PTPRD: variants seen among roughly 807,000 people sequenced by gnomAD.
PTPRD encodes the protein receptor-type tyrosine-protein phosphatase delta.
PTPRD carries 34 observed loss-of-function variants against 214.5 expected under a neutral mutation model. The ratio of observed to expected loss-of-function variants is 0.16; its 90% CI spans 0.12 to 0.21. The LOEUF (loss-of-function observed/expected upper bound fraction) is 0.21. Among genes scored for constraint, PTPRD ranks in the 10% least tolerant of loss-of-function variants. The probability of loss-of-function intolerance (pLI) is 1.00; values close to 1 mark genes in which losing one functional copy is unlikely to be tolerated. For synonymous variants in PTPRD, 1,128 were observed against 845.7 expected, an observed-to-expected ratio of 1.33 and a Z score of -5.79; for missense variants, 2,545 against 2,398.7, an observed-to-expected ratio of 1.06 and a Z score of -1.27.
intron 11 of PTPRD, among the ~76,000 whole-genome samples, chr9:9,007,783 C>T: frequency 1.6e-5 from 2 of 127,678 alleles, no homozygotes; most frequent in Non-Finnish European, 3.4e-5. Flanking sequence ...TTAAGCATAT[C>T]TTTCAGTTGT....
intron 8 of PTPRD, among the ~76,000 whole-genome samples, chr9:9,548,811 G>A (rs937305353): frequency 1.6e-4 from 25 of 152,012 alleles, no homozygotes; most frequent in Non-Finnish European, 1.5e-4. Context: ...TCGGCAAGTA[G>A]ACATAGCAAT....
At chr9:9,434,727 T>A (rs1214082199) in intron 8 of PTPRD, among the ~76,000 whole-genome samples, 2 of 151,802 alleles carry the variant, frequency 1.3e-5, no homozygotes, top group Non-Finnish European at 2.9e-5. Context: ...ATACAACAAA[T>A]CGTACCCCAT....
At chr9:9,798,080 G>A (rs2099015256) in intron 5 of PTPRD, among the ~76,000 whole-genome samples, 4 of 152,024 alleles carry the variant, frequency 2.6e-5, no homozygotes, top group Admixed American at 2.0e-4. Context: ...GGACAAGGAA[G>A]GGAAATAAAA....
In PTPRD at chr9:9,807,380, G is replaced by C. The variant is rs150470873; in HGVS notation, c.-367-40529C>G. Among the ~76,000 whole-genome samples the C allele has an allele frequency of 3.8e-4, 58 of 152,224 alleles. No homozygotes were observed. In the East Asian group the frequency reaches 8.1e-3, roughly 21 times the overall value. ...TGTGAAGATAAGTATTGAAAATCCT[G>C]ATTTCACGAAACAGGTGGGCATGAG... On this transcript the variant is annotated intron_variant, in intron 5 of 45. Coordinates refer to ENST00000381196, the MANE Select transcript of PTPRD (RefSeq NM_002839.4).
intron 7 of PTPRD, among the ~76,000 whole-genome samples, chr9:9,680,963 A>G (rs1208486279): frequency 6.6e-6 from 1 of 151,708 alleles, no homozygotes; most frequent in Non-Finnish European, 1.5e-5. Context: ...CGAATATATC[A>G]CTATATTTTT....
At chr9:9,549,859 A>G (rs1414417400) in intron 8 of PTPRD, among the ~76,000 whole-genome samples, 8 of 152,070 alleles carry the variant, frequency 5.3e-5, no homozygotes, top group Non-Finnish European at 1.2e-4. Context: ...AACACACAGA[A>G]TATCTTGGGA....
intron 3 of PTPRD, among the ~76,000 whole-genome samples, chr9:10,114,576 A>C (rs2098715661): frequency 6.6e-6 from 1 of 152,048 alleles, no homozygotes; most frequent in Admixed American, 6.6e-5. Context: ...CTTGTATTAT[A>C]TAGGTGTATA....
intron 11 of PTPRD, among the ~76,000 whole-genome samples, chr9:8,945,727 C>G (rs1044843369): frequency 1.3e-5 from 2 of 152,122 alleles, no homozygotes; most frequent in African/African-American, 4.8e-5. Context: ...ACACTAGCAT[C>G]TATACATACC....
chr9:10,520,002 T>C (rs935612211), intron 2 of PTPRD, among the ~76,000 whole-genome samples: 3 of 152,042 alleles, frequency 2.0e-5, no homozygotes, highest in Non-Finnish European at 4.4e-5. Context: ...AATACAAAAA[T>C]TAGTCCAGTT....
At chr9:8,861,217 A>C (rs1382402001) in intron 11 of PTPRD, 1 of 152,174 alleles carries the variant, frequency 6.6e-6, no homozygotes, top group African/African-American at 2.4e-5. Context: ...CAGGAGACTA[A>C]AAATAATCAC....
intron 10 of PTPRD, among the ~76,000 whole-genome samples, chr9:9,101,697 G>T (rs533146256): frequency 1.3e-5 from 2 of 152,306 alleles, no homozygotes; most frequent in East Asian, 1.9e-4. Flanking sequence ...CATGATGTGT[G>T]CCTGTCACTT....
intron 7 of PTPRD, among the ~76,000 whole-genome samples, chr9:9,729,161 A>G (rs2098141847): frequency 2.0e-5 from 3 of 152,178 alleles, no homozygotes; most frequent in Non-Finnish European, 4.4e-5. Context: ...CAAAACAAAA[A>G]TAAAATGCAA....
chr9:8,758,678 A>C (rs952732097), intron 11 of PTPRD, among the ~76,000 whole-genome samples: 2 of 152,204 alleles, frequency 1.3e-5, no homozygotes. Flanking sequence ...TATGGAGCTC[A>C]TTTAAAATTC....
intron 5 of PTPRD, among the ~76,000 whole-genome samples, chr9:9,893,170 A>T (rs1388031753): frequency 6.6e-6 from 1 of 152,090 alleles, no homozygotes; most frequent in Non-Finnish European, 1.5e-5. Flanking sequence ...TTATGGCTGC[A>T]CACACTAAAG....
In PTPRD at chr9:10,482,116, A is replaced by G. The variant is rs188780397; in HGVS notation, c.-600+130282T>C. Among the ~76,000 whole-genome samples the G allele has an allele frequency of 9.7e-4, 148 of 152,300 alleles. 1 individual carries two copies. Among genetic ancestry groups the G allele is most frequent in the Non-Finnish European group, 1.7e-3 (113 of 68,018 alleles). ...GCCGGGCGCGGTGGCTCACGCCTGTAATCCCAGCATTTTGGGAGGCCCAGG... is the reference window on the plus strand; with the variant it reads ...GCCGGGCGCGGTGGCTCACGCCTGTGATCCCAGCATTTTGGGAGGCCCAGG... On this transcript the variant is annotated intron_variant, in intron 2 of 45. Transcript: ENST00000381196.
chr9:8,906,786 C>T (rs750972111), intron 11 of PTPRD, among the ~76,000 whole-genome samples: 40 of 152,094 alleles, frequency 2.6e-4, no homozygotes, highest in Non-Finnish European at 5.6e-4. Flanking sequence ...TTTCGGCAGA[C>T]TATATGACTA....
intron 12 of PTPRD, among the ~76,000 whole-genome samples, chr9:8,642,230 T>C (rs983585319): frequency 6.6e-6 from 1 of 152,230 alleles, no homozygotes; most frequent in African/African-American, 2.4e-5. Context: ...GTGCCATTTA[T>C]CTAATTTAAT....
intron 5 of PTPRD, among the ~76,000 whole-genome samples, chr9:9,854,876 A>G (rs1328140970): frequency 6.6e-6 from 1 of 152,216 alleles, no homozygotes; most frequent in Admixed American, 6.5e-5. Flanking sequence ...AGACACCAGT[A>G]GCACTAACTT....
At chr9:9,910,982 CTA>C (rs76705118) in intron 5 of PTPRD, among the ~76,000 whole-genome samples, 39,875 of 151,752 alleles carry the variant, frequency 0.26, 5,528 homozygotes, top group East Asian at 0.38. Context: ...GGTTTGGTGT[CTA>C]GTTTCCAATT....
Sources: gnomAD v4.1 joint callset for allele counts (sites outside exome capture counted in the v4.1 genomes callset) on GRCh38, gnomAD v4.1.1 for gene constraint, MANE v1.5 for transcripts, NCBI Gene and HGNC (gene_info 2026-07-23, HGNC 2026-07-21) for gene names.